TP53BP1: variants seen among roughly 807,000 people sequenced by gnomAD.
TP53BP1 encodes the protein tumor protein p53 binding protein 1.
A neutral mutation model predicts 200.8 loss-of-function variants in TP53BP1; 61 were observed. The ratio of observed to expected loss-of-function variants is 0.30; its 90% CI spans 0.25 to 0.38. TP53BP1 has a LOEUF of 0.38. TP53BP1 is among the 10% of genes least tolerant of loss of function. The probability of loss-of-function intolerance (pLI) is 1.00; values close to 1 mark genes in which losing one functional copy is unlikely to be tolerated. For missense variants in TP53BP1, 2,144 were observed against 2,371.9 expected (o/e 0.90, Z 2.00); for synonymous variants, 822 against 844.3 (o/e 0.97, Z 0.46).
intron 4 of TP53BP1, among the ~76,000 whole-genome samples, chr15:43,488,943 A>G (rs1278496957): frequency 1.3e-5 from 2 of 152,226 alleles, no homozygotes; most frequent in African/African-American, 4.8e-5. Context: ...AATCAACTCC[A>G]AATTCTTTCC....
chr15:43,455,551 C>G (rs529792542), intron 12 of TP53BP1, among the ~76,000 whole-genome samples: 11 of 152,160 alleles, frequency 7.2e-5, no homozygotes, highest in African/African-American at 2.4e-4. Context: ...GAAACCCCAT[C>G]TCTACTAAAA....
Position 43,481,142 on chromosome 15 carries a change from C to T in TP53BP1, c.372-120G>A, listed in dbSNP as rs1428021472. On this transcript the variant is annotated intron_variant, in intron 4 of 27. Transcript: ENST00000382044. ...AGCCAAACTTGAAAAAGTAAAATAC[C>T]TCACCTTTATAGTGCTTCTTTCTAC... is the stretch of plus-strand genomic sequence containing the variant. The T allele has an allele frequency of 5.4e-6, 6 of 1,118,870 alleles. No individual in the cohort carries two copies. The African/African-American group carries it at 7.7e-5, about 14-fold the overall frequency. 69.3% of individuals were successfully genotyped at this position (1,118,870 alleles called of 1,614,324 possible).
At chr15:43,470,993 C>A (rs1374762575) in intron 10 of TP53BP1, among the ~76,000 whole-genome samples, 2 of 152,146 alleles carry the variant, frequency 1.3e-5, no homozygotes, top group Admixed American at 1.3e-4. Context: ...AATATACTAC[C>A]ATAGCTGTGC....
chr15:43,486,354 A>G (rs543432837), intron 4 of TP53BP1, among the ~76,000 whole-genome samples: 1 of 152,368 alleles, frequency 6.6e-6, no homozygotes, highest in South Asian at 2.1e-4. Flanking sequence ...CTGCCTGGGC[A>G]ACAAGAGCGA....
At chr15:43,497,290 G>T (rs181488211), upstream of TP53BP1, 5 of 318,254 alleles carry the variant, frequency 1.6e-5, no homozygotes, top group African/African-American at 1.1e-4. Flanking sequence ...TGAGGTGGAA[G>T]AATCACTTGA....
intron 26 of TP53BP1, chr15:43,408,350 G>A (rs1489184735): frequency 1.7e-5 from 6 of 360,890 alleles, no homozygotes; most frequent in Non-Finnish European, 3.1e-5. Context: ...GTGTGGTGGC[G>A]AGTGCCTGTA....
chr15:43,446,251 G>T (rs1297842369), intron 14 of TP53BP1, 136 bp downstream of exon 14: 2 of 703,030 alleles, frequency 2.8e-6, no homozygotes, highest in South Asian at 2.1e-5. Flanking sequence ...CAAAAGCAAA[G>T]AATTAAATCT....
At chr15:43,448,333 AAAT>A (rs1489207211) in intron 12 of TP53BP1, among the ~76,000 whole-genome samples, 2 of 152,144 alleles carry the variant, frequency 1.3e-5, no homozygotes, top group African/African-American at 4.8e-5. Context: ...ATTTGGGAGA[AAAT>A]AAGAATTGCG....
chr15:43,407,828 A>G (rs1226729406), intron 27 of TP53BP1, 115 bp downstream of exon 27: 1 of 1,124,538 alleles, frequency 8.9e-7, no homozygotes. Context: ...TTTCTTCTCT[A>G]AGAAACATGG....
chr15:43,430,076 T>C (rs2045635457), intron 17 of TP53BP1, among the ~76,000 whole-genome samples: 1 of 152,204 alleles, frequency 6.6e-6, no homozygotes, highest in Non-Finnish European at 1.5e-5. Flanking sequence ...TCACTTCAAA[T>C]ACTCTTCTGA....
intron 18 of TP53BP1, among the ~76,000 whole-genome samples, chr15:43,427,026 A>G (rs1595540216): frequency 6.6e-6 from 1 of 151,802 alleles, no homozygotes; most frequent in Non-Finnish European, 1.5e-5. Context: ...TCAAAAAAAA[A>G]AAAAAAAAAA....
At position 43,420,556 on chromosome 15, in the gene TP53BP1, CCAG is replaced by C; in HGVS notation, c.4427_4429del (p.Ala1476del). 1 of 1,614,196 alleles carries C rather than the reference CCAG, an allele frequency of 6.2e-7. No individual in the cohort carries two copies. Among genetic ancestry groups the C allele is most frequent in the Non-Finnish European group, 8.5e-7 (1 of 1,180,044 alleles). ...GGAGGCATCTAAGCCATCAGAAGGGCCAGCAGCAGCCTGGAAAGGAATTTCTGG... is the reference window on the plus strand; with the variant it reads ...GGAGGCATCTAAGCCATCAGAAGGGCCAGCAGCCTGGAAAGGAATTTCTGG... On this transcript the variant is annotated inframe_deletion, in exon 21 of 28. Transcript: ENST00000382044.
At chr15:43,488,116 C>G (rs894110045) in intron 4 of TP53BP1, among the ~76,000 whole-genome samples, 1 of 152,076 alleles carries the variant, frequency 6.6e-6, no homozygotes, top group African/African-American at 2.4e-5. Flanking sequence ...CTGGCCAATA[C>G]AGCAAAACCC....
At chr15:43,509,933 A>G (rs1285186233) in intron 1 of TP53BP1, among the ~76,000 whole-genome samples, 2 of 152,104 alleles carry the variant, frequency 1.3e-5, no homozygotes, top group East Asian at 1.9e-4. Flanking sequence ...CCATACATAC[A>G]TGTACAGAAT....
rs759034574 is a variant in TP53BP1 at position 43,408,983 on chromosome 15, A to G, written c.5514T>C (p.Asp1838=). Residue 1838 remains aspartate, a synonymous_variant, in exon 26 of 28, where the codon GAT becomes GAC. Coordinates refer to ENST00000382044, the MANE Select transcript of TP53BP1 (RefSeq NM_001141980.3). ...IPCVSHVWVH[D]SCHANQLQNY... ...TCTGGAGCTGGTTGGCATGGCAACTATCATGGACCCAGACATGAGACACAC... is the reference window on the plus strand; with the variant it reads ...TCTGGAGCTGGTTGGCATGGCAACTGTCATGGACCCAGACATGAGACACAC... The G allele has an allele frequency of 1.9e-6, 3 of 1,614,208 alleles. No individual in the cohort carries two copies. In the South Asian group the frequency reaches 3.3e-5, roughly 18 times the overall value.
chr15:43,403,535 G>T lies in TP53BP1; in HGVS notation c.*3848C>A, dbSNP rs1297343952. The T allele has an allele frequency of 1.3e-5, 8 of 612,750 alleles. No homozygotes were observed. The highest frequency in any genetic ancestry group is 1.2e-4 in the Admixed American group (4 of 33,510). 38.0% of individuals were successfully genotyped at this position (612,750 alleles called of 1,614,324 possible). A position where few individuals can be genotyped will look rare whatever the true frequency, so the allele number is the denominator to read the frequency against. On this transcript the variant is annotated 3_prime_UTR_variant, in exon 28 of 28. Transcript: ENST00000382044. ...ATTTTGTGCGTCTGAGGGGCTGGCA[G>T]GCCTTGCACGTGGCAGTGTCTATCC...
intron 12 of TP53BP1, among the ~76,000 whole-genome samples, chr15:43,454,919 T>C (rs895321278): frequency 1.3e-5 from 2 of 151,618 alleles, no homozygotes; most frequent in African/African-American, 4.8e-5. Context: ...TTAGTGGAGA[T>C]GGGTTTCACC....
At chr15:43,442,143 TG>T (rs1248148993) in intron 14 of TP53BP1, among the ~76,000 whole-genome samples, 2 of 147,008 alleles carry the variant, frequency 1.4e-5, no homozygotes, top group African/African-American at 5.1e-5. Context: ...TGGAGTGCAG[TG>T]GCGCAATCTC....
chr15:43,416,455 T>C, intron 21 of TP53BP1, 39 bp from the exon 22 acceptor site: 1 of 1,592,008 alleles, frequency 6.3e-7, no homozygotes, highest in Non-Finnish European at 8.6e-7. Context: ...TGCTGTTGTC[T>C]TAGGCTCCTT....
Sources: allele counts gnomAD v4.1 joint callset (sites outside exome capture counted in the v4.1 genomes callset), GRCh38; gene constraint gnomAD v4.1.1; transcripts MANE v1.5; gene names NCBI Gene and HGNC (gene_info 2026-07-23, HGNC 2026-07-21).